The following BASP1 variants were observed in gnomAD, a reference collection of about 807,000 sequenced individuals.
BASP1 encodes the protein brain abundant membrane attached signal protein 1.
BASP1 carries 1 observed loss-of-function variant against 2.2 expected under a neutral mutation model. The ratio of observed to expected loss-of-function variants is 0.46; its 90% CI spans 0.16 to 2.17. The LOEUF is 2.17. Ranked by LOEUF, BASP1 falls within the 30% of genes most tolerant of loss-of-function variation. BASP1 has a pLI of 0.27. For synonymous variants in BASP1, 187 were observed against 154.2 expected (o/e 1.21, Z -1.58); for missense variants, 352 against 327.2 (o/e 1.08, Z -0.58).
rs1740261156 is a variant in BASP1, at chr5:17,258,801, A to G, written c.-9-16407A>G. ...CACCTTGGGTGTTGCCTTGTGGCTC[A>G]GTGCCTGGTTTTTTAGGTAGCTAAA... On this transcript the variant is annotated intron_variant, in intron 1 of 1. Transcript: ENST00000322611. Among the ~76,000 whole-genome samples the G allele has an allele frequency of 2.6e-5, 4 of 152,330 alleles. No homozygotes were observed. In the South Asian group the frequency reaches 8.3e-4, roughly 32 times the overall value.
At chr5:17,233,764 T>TTTGTTTTTTTTTTTTCA (rs1414760877) in intron 1 of BASP1, among the ~76,000 whole-genome samples, 2 of 151,854 alleles carry the variant, frequency 1.3e-5, no homozygotes, top group East Asian at 3.9e-4. Context: ...TTTTCTTTTC[T>TTTGTTTTTTTTTTTTCA]TTGTTTTTTT....
intron 1 of BASP1, among the ~76,000 whole-genome samples, chr5:17,266,015 A>T (rs1255940841): frequency 6.6e-6 from 1 of 152,130 alleles, no homozygotes; most frequent in East Asian, 1.9e-4. Flanking sequence ...CAGCTCAGTA[A>T]CTCCAGTCGC....
intron 1 of BASP1, among the ~76,000 whole-genome samples, chr5:17,252,707 T>A (rs2962367): frequency 0.22 from 32,743 of 152,170 alleles, 3,666 homozygotes; most frequent in South Asian, 0.3. Context: ...AAAGTTCCCA[T>A]GTGACATTGT....
chr5:17,263,279 C>T (rs1740354590), intron 1 of BASP1, among the ~76,000 whole-genome samples: 2 of 151,930 alleles, frequency 1.3e-5, no homozygotes, highest in African/African-American at 4.8e-5. Context: ...AGTAGTATTA[C>T]ATTTTTTTTT....
chr5:17,257,955 A>G (rs1424280254), intron 1 of BASP1, among the ~76,000 whole-genome samples: 1 of 152,148 alleles, frequency 6.6e-6, no homozygotes, highest in Non-Finnish European at 1.5e-5. Flanking sequence ...GGGACTGCCC[A>G]GGGCCTGGTG....
chr5:17,248,689 A>G (rs1369336092), intron 1 of BASP1, among the ~76,000 whole-genome samples: 2 of 152,226 alleles, frequency 1.3e-5, no homozygotes, highest in Non-Finnish European at 2.9e-5. Context: ...TAGAATGTGA[A>G]TGATTTCCAG....
intron 1 of BASP1, among the ~76,000 whole-genome samples, chr5:17,263,460 G>T (rs182263966): frequency 3.1e-4 from 47 of 152,282 alleles, no homozygotes; most frequent in African/African-American, 1.1e-3. Context: ...TGAATAAAAT[G>T]TGGTAAGATA....
chr5:17,253,437 C>A (rs558074544), intron 1 of BASP1, among the ~76,000 whole-genome samples: 1 of 152,090 alleles, frequency 6.6e-6, no homozygotes, highest in Non-Finnish European at 1.5e-5. Flanking sequence ...GGTCTGGAAC[C>A]CCTGGACTGA....
chr5:17,227,144 T>TG (rs1275697676), intron 1 of BASP1, among the ~76,000 whole-genome samples: 1 of 151,914 alleles, frequency 6.6e-6, no homozygotes, highest in Non-Finnish European at 1.5e-5. Context: ...TTGGTCAGGC[T>TG]GGTCTTGAAC....
At chr5:17,268,726 G>A (rs1047115424) in intron 1 of BASP1, among the ~76,000 whole-genome samples, 1 of 152,166 alleles carries the variant, frequency 6.6e-6, no homozygotes, top group South Asian at 2.1e-4. Flanking sequence ...AGAGGAGATT[G>A]TCTCTATTAC....
chr5:17,262,809 G>A (rs1033771342), intron 1 of BASP1, among the ~76,000 whole-genome samples: 48 of 150,494 alleles, frequency 3.2e-4, no homozygotes, highest in African/African-American at 9.5e-4. Flanking sequence ...TCCCTGTCAC[G>A]TCTTACACCT....
rs549229251 is a variant in BASP1 at position 17,226,936 on chromosome 5, T to C, written c.-10+9126T>C. Among the ~76,000 whole-genome samples the C allele has an allele frequency of 1.6e-4, 15 of 93,168 alleles. No individual in the cohort carries two copies. In the East Asian group the frequency reaches 3.1e-3, roughly 19 times the overall value. The allele number at this position is 93,168 out of a possible 152,430, so 61.1% of individuals were successfully genotyped here. On this transcript the variant is annotated intron_variant, in intron 1 of 1. Transcript: ENST00000322611. ...TCTCTGAATAACTCATTTTTCTTTT[T>C]TTTTTTTTTCTTTTTTTCGTTTTGC...
At chr5:17,259,345 G>A (rs981632216) in intron 1 of BASP1, among the ~76,000 whole-genome samples, 6 of 152,310 alleles carry the variant, frequency 3.9e-5, no homozygotes, top group Middle Eastern at 3.4e-3. Flanking sequence ...CACGGGAATT[G>A]TGGGAGTTAC....
intron 1 of BASP1, among the ~76,000 whole-genome samples, chr5:17,273,894 A>G (rs1234894101): frequency 1.3e-5 from 2 of 152,214 alleles, no homozygotes; most frequent in African/African-American, 4.8e-5. Context: ...TCATCCAGGA[A>G]AAGCAACCAT....
chr5:17,272,277 G>C (rs915326357), intron 1 of BASP1, among the ~76,000 whole-genome samples: 1 of 152,052 alleles, frequency 6.6e-6, no homozygotes, highest in Non-Finnish European at 1.5e-5. Flanking sequence ...TTGTAACCCA[G>C]GCGCATAACA....
rs1438741253 is a variant in BASP1, at chr5:17,275,262, G to A, written c.46G>A (p.Asp16Asn). 6.2e-7 allele frequency: 1 copy of A among 1,613,730 alleles called. No homozygotes were observed. Among genetic ancestry groups the A allele is most frequent in the Non-Finnish European group, 8.5e-7 (1 of 1,179,986 alleles). The change falls in exon 2 of 2, where the codon GAC (aspartate) becomes AAC (asparagine). Residue 16 changes from aspartate (D) to asparagine (N), a missense_variant. Coordinates refer to ENST00000322611, the MANE Select transcript of BASP1 (RefSeq NM_006317.5). The surrounding 1 kb of genome is among the most constrained non-coding windows in gnomAD (Gnocchi z 5.3). The part of the protein sequence containing the change: ...SKKKKGYNVN[D>N]EKAKEKDKKA... ...GAAGAAGAAGGGCTACAATGTGAAC[G>A]ACGAGAAAGCCAAGGAGAAAGACAA...
chr5:17,250,520 A>G (rs1471462616), intron 1 of BASP1, among the ~76,000 whole-genome samples: 1 of 152,250 alleles, frequency 6.6e-6, no homozygotes, highest in African/African-American at 2.4e-5. Flanking sequence ...GTCATTGAGA[A>G]AAGTTTGTTT....
intron 1 of BASP1, among the ~76,000 whole-genome samples, chr5:17,250,886 G>A (rs1384569100): frequency 4.6e-5 from 7 of 152,202 alleles, no homozygotes; most frequent in Non-Finnish European, 1.0e-4. Context: ...TTACAGGCGT[G>A]AGCCACAGCG....
rs76807860 is a variant in BASP1 at position 17,240,868 on chromosome 5, T to C, written c.-10+23058T>C. On this transcript the variant is annotated intron_variant, in intron 1 of 1. Transcript: ENST00000322611. Reference sequence around the variant, plus strand: ...TTAGGGTACCTACTAAACAAAAAGATAAAACTCTTGTGATTTTGATCTTAA... The same window carrying C: ...TTAGGGTACCTACTAAACAAAAAGACAAAACTCTTGTGATTTTGATCTTAA... 2.5e-3 allele frequency among the ~76,000 whole-genome samples: 383 copies of C among 152,306 alleles called. 7 individuals are homozygous for C. In the East Asian group the frequency reaches 0.053, roughly 21 times the overall value.
Sources: gnomAD v4.1 joint callset for allele counts (sites outside exome capture counted in the v4.1 genomes callset) on GRCh38, gnomAD v4.1.1 for gene constraint, Gnocchi (gnomAD v3.1) non-coding constraint, MANE v1.5 for transcripts, NCBI Gene and HGNC (gene_info 2026-07-23, HGNC 2026-07-21) for gene names.